The following RFX3 variants were observed in gnomAD, a reference collection of about 807,000 sequenced individuals.
The protein encoded by RFX3 is regulatory factor X3.
A neutral mutation model predicts 98.6 loss-of-function variants in RFX3; 14 were observed. The observed-to-expected ratio is 0.14, with a 90% CI of 0.09 to 0.22. The LOEUF (loss-of-function observed/expected upper bound fraction) is 0.22. Ranked by LOEUF, RFX3 falls within the 10% of genes least tolerant of loss-of-function variation. The pLI, the probability that RFX3 is intolerant of heterozygous loss-of-function variation, is 1.00. For synonymous variants in RFX3, 383 were observed against 328.4 expected, an observed-to-expected ratio of 1.17 and a Z score of -1.80; for missense variants, 639 against 926.9, an observed-to-expected ratio of 0.69 and a Z score of 4.03.
Position 3,294,807 on chromosome 9 carries a change from T to C in RFX3, c.550-1549A>G, listed in dbSNP as rs371740274. 1.7e-3 allele frequency among the ~76,000 whole-genome samples: 261 copies of C among 152,210 alleles called. 4 individuals are homozygous for C. The highest frequency in any genetic ancestry group is 6.1e-3 in the African/African-American group (253 of 41,560). Reference sequence around the variant, plus strand: ...AGACAAACCAGAGTACTTTTAAAAATAAAATTCAGATTTTGATCAGAAAGA... The same window carrying C: ...AGACAAACCAGAGTACTTTTAAAAACAAAATTCAGATTTTGATCAGAAAGA... On this transcript the variant is annotated intron_variant, in intron 5 of 16. Coordinates refer to ENST00000617270, the MANE Select transcript of RFX3 (RefSeq NM_001282116.2).
chr9:3,334,417 G>T (rs1832933917), intron 3 of RFX3, among the ~76,000 whole-genome samples: 1 of 152,102 alleles, frequency 6.6e-6, no homozygotes, highest in Non-Finnish European at 1.5e-5. Context: ...ACATCCCAAG[G>T]GATCACTGCA....
At chr9:3,245,497 CT>C (rs771561278) in intron 15 of RFX3, among the ~76,000 whole-genome samples, 9 of 152,086 alleles carry the variant, frequency 5.9e-5, no homozygotes, top group Non-Finnish European at 1.2e-4. Context: ...ACACAGTCAG[CT>C]TTGCATTTTC....
chr9:3,317,081 A>G (rs1440080698), intron 4 of RFX3, among the ~76,000 whole-genome samples: 1 of 152,192 alleles, frequency 6.6e-6, no homozygotes, highest in Non-Finnish European at 1.5e-5. Context: ...AGCCAAAAGA[A>G]CAAAGCTGGA....
chr9:3,402,910 TAAC>T (rs1841607039), intron 1 of RFX3, among the ~76,000 whole-genome samples: 1 of 151,744 alleles, frequency 6.6e-6, no homozygotes, highest in South Asian at 2.1e-4. Context: ...AAGATAACTC[TAAC>T]AACAACAAAA....
chr9:3,400,680 C>A (rs1841391434), intron 1 of RFX3, among the ~76,000 whole-genome samples: 1 of 152,216 alleles, frequency 6.6e-6, no homozygotes, highest in African/African-American at 2.4e-5. Flanking sequence ...TAGAGGGTAT[C>A]AATCATATCC....
intron 1 of RFX3, among the ~76,000 whole-genome samples, chr9:3,452,079 T>A (rs1846692047): frequency 6.6e-6 from 1 of 152,212 alleles, no homozygotes; most frequent in African/African-American, 2.4e-5. Context: ...AATTTTCTCA[T>A]CTATGAAACA....
rs559632933 is a variant in RFX3 at position 3,244,643 on chromosome 9, C to T, written c.1968+3389G>A. 8.5e-5 allele frequency among the ~76,000 whole-genome samples: 13 copies of T among 152,306 alleles called. No individual in the cohort carries two copies. In the East Asian group the frequency reaches 2.5e-3, roughly 29 times the overall value. On this transcript the variant is annotated intron_variant, in intron 15 of 16. Coordinates refer to ENST00000617270, the MANE Select transcript of RFX3 (RefSeq NM_001282116.2). The stretch of plus-strand genomic sequence containing the variant: ...ACCCCTTACCTTCAGATTCTCTCTT[C>T]ACAGAGTTAACATCTTTTGTCCTTT...
At chr9:3,293,731 T>A (rs1355497203) in intron 5 of RFX3, among the ~76,000 whole-genome samples, 1 of 152,108 alleles carries the variant, frequency 6.6e-6, no homozygotes, top group Non-Finnish European at 1.5e-5. Flanking sequence ...AAAGTTACAT[T>A]CCTTTTTATA....
At chr9:3,271,482 T>C (rs1824432785) in intron 9 of RFX3, among the ~76,000 whole-genome samples, 1 of 140,142 alleles carries the variant, frequency 7.1e-6, no homozygotes, top group African/African-American at 2.6e-5. Context: ...CTTTCCTTCC[T>C]TCCCTTCCCT....
At chr9:3,247,829 T>C (rs1472895038) in intron 15 of RFX3, 1 of 1,605,812 alleles carries the variant, frequency 6.2e-7, no homozygotes. Flanking sequence ...CATGATATAA[T>C]CCACAATTTT....
chr9:3,337,840 C>T (rs1434995855), intron 3 of RFX3, among the ~76,000 whole-genome samples: 1 of 152,152 alleles, frequency 6.6e-6, no homozygotes, highest in Non-Finnish European at 1.5e-5. Flanking sequence ...AAACCAAGAA[C>T]CTCTGCCTTA....
At chr9:3,225,915 G>A (rs756222963) in intron 16 of RFX3, among the ~76,000 whole-genome samples, 3 of 152,160 alleles carry the variant, frequency 2.0e-5, no homozygotes, top group Non-Finnish European at 4.4e-5. Flanking sequence ...TCCATTCTTG[G>A]CAACTGATAC....
At chr9:3,466,303 C>T (rs566241167) in intron 1 of RFX3, among the ~76,000 whole-genome samples, 8 of 152,288 alleles carry the variant, frequency 5.3e-5, no homozygotes, top group Admixed American at 1.3e-4. Flanking sequence ...AAAAATCCCA[C>T]ATCTTCCTAT....
intron 1 of RFX3, among the ~76,000 whole-genome samples, chr9:3,477,760 C>A (rs1849398350): frequency 6.6e-6 from 1 of 152,050 alleles, no homozygotes; most frequent in South Asian, 2.1e-4. Context: ...TCATTCTCAT[C>A]TTCTGGGAAT....
intron 6 of RFX3, among the ~76,000 whole-genome samples, chr9:3,291,638 G>T (rs1046302395): frequency 6.6e-6 from 1 of 151,990 alleles, no homozygotes; most frequent in Admixed American, 6.6e-5. Flanking sequence ...AAACAAATTT[G>T]TATCCTTTTC....
At chr9:3,339,165 A>T (rs1563951091) in intron 3 of RFX3, among the ~76,000 whole-genome samples, 1 of 152,130 alleles carries the variant, frequency 6.6e-6, no homozygotes, top group Non-Finnish European at 1.5e-5. Flanking sequence ...TATAAAAAGG[A>T]ATTTTATATT....
intron 14 of RFX3, among the ~76,000 whole-genome samples, chr9:3,253,841 A>G (rs913025271): frequency 6.6e-6 from 1 of 152,170 alleles, no homozygotes; most frequent in African/African-American, 2.4e-5. Context: ...CAAAAACATT[A>G]AAAAATATTC....
intron 3 of RFX3, among the ~76,000 whole-genome samples, chr9:3,333,418 A>G (rs1587126203): frequency 6.6e-6 from 1 of 151,460 alleles, no homozygotes; most frequent in East Asian, 1.9e-4. Context: ...GATGATAGAA[A>G]CAAATTCATA....
At chr9:3,419,364 C>G (rs1843251567) in intron 1 of RFX3, among the ~76,000 whole-genome samples, 1 of 152,030 alleles carries the variant, frequency 6.6e-6, no homozygotes, top group African/African-American at 2.4e-5. Context: ...TCTCATGGGT[C>G]TCTTATATGT....
Sources: gnomAD v4.1 joint callset for allele counts (sites outside exome capture counted in the v4.1 genomes callset) on GRCh38, gnomAD v4.1.1 for gene constraint, MANE v1.5 for transcripts, NCBI Gene and HGNC (gene_info 2026-07-23, HGNC 2026-07-21) for gene names.